Variants in OTOR observed in about 807,000 individuals in gnomAD.
OTOR encodes otoraplin, also known as fibrocyte-derived protein.
In OTOR, 20 loss-of-function variants were observed where a neutral mutation model predicts 15.9. The observed-to-expected ratio is 1.26, with a 90% CI of 0.89 to 1.83. The LOEUF (loss-of-function observed/expected upper bound fraction) is 1.83. Among genes scored for constraint, OTOR ranks in the 40% most tolerant of loss-of-function variants. The pLI is 0.00. For missense variants in OTOR, 184 were observed against 159.0 expected, an observed-to-expected ratio of 1.16 and a Z score of -0.85; for synonymous variants, 53 against 54.2, an observed-to-expected ratio of 0.98 and a Z score of 0.09.
At chr20:16,750,092 A>T in intron 3 of OTOR, 82 bp downstream of exon 3, 1 of 903,460 alleles carries the variant, frequency 1.1e-6, no homozygotes. Context: ...CATGCAACTT[A>T]CAAGTTGTAT....
intron 3 of OTOR, among the ~76,000 whole-genome samples, chr20:16,750,263 TA>T (rs1393347984): frequency 6.6e-6 from 1 of 152,250 alleles, no homozygotes; most frequent in East Asian, 1.9e-4. Context: ...CTTTTTTCTA[TA>T]TTTTTTCAGC....
At chr20:16,748,804 G>A (rs533639581) in intron 1 of OTOR, 63 bp from the exon 2 acceptor site, 155 of 1,245,636 alleles carry the variant, frequency 1.2e-4, no homozygotes, top group South Asian at 1.7e-4. Flanking sequence ...AATATACATT[G>A]CCTTTTACTG....
At chr20:16,749,700 T>C in intron 2 of OTOR, 1 of 545,620 alleles carries the variant, frequency 1.8e-6, no homozygotes, top group Admixed American at 3.3e-5. Flanking sequence ...ACTGGGCCAC[T>C]AAACAGTAGA....
rs370100954 is a variant in OTOR at position 16,751,112 on chromosome 20, C to G, written c.381C>G (p.Cys127Trp). 3.9e-6 allele frequency: 6 copies of G among 1,541,916 alleles called. No homozygotes were observed. Among genetic ancestry groups the G allele is most frequent in the Non-Finnish European group, 5.3e-6 (6 of 1,139,452 alleles). The change falls in exon 4 of 4, where the codon TGC (cysteine) becomes TGG (tryptophan). Residue 127 changes from cysteine to tryptophan, a missense_variant. Transcript: ENST00000246081. ...TTTTCCAGGATATTGACTTCTTCTG[C>G]GAGTAATAAATTAGTTAAAACTGCA... ...EVPTTDIDFF[C>W]E
chr20:16,750,805 G>T (rs548162208), intron 3 of OTOR, among the ~76,000 whole-genome samples: 1 of 152,160 alleles, frequency 6.6e-6, no homozygotes, highest in African/African-American at 2.4e-5. Flanking sequence ...GCTAATTGTT[G>T]TGCTTCAAAC....
chr20:16,748,738 A>G, intron 1 of OTOR, 129 bp from the exon 2 acceptor site: 3 of 781,022 alleles, frequency 3.8e-6, no homozygotes, highest in Admixed American at 6.5e-5. Flanking sequence ...TTTCTCTTGG[A>G]TAGACACCAG....
intron 2 of OTOR, chr20:16,749,649 A>G (rs991687834): frequency 4.4e-6 from 2 of 449,934 alleles, no homozygotes; most frequent in South Asian, 8.8e-5. Flanking sequence ...GCAACTCACA[A>G]GATTGCGTAA....
chr20:16,748,846 T>C (rs1248787273), intron 1 of OTOR, 21 bp from the exon 2 acceptor site: 1 of 1,548,208 alleles, frequency 6.5e-7, no homozygotes, highest in Non-Finnish European at 8.7e-7. Flanking sequence ...AATGTAATCA[T>C]TTAAATTTTT....
rs2072531255 is a variant in OTOR, at chr20:16,751,966, T to C, written c.*848T>C. 1 of 152,214 alleles carries C rather than the reference T, an allele frequency of 6.6e-6. No homozygotes were observed. The highest frequency in any genetic ancestry group is 2.1e-4 in the South Asian group (1 of 4,830). The allele number at this position is 152,214 out of a possible 1,614,324, so 9.4% of individuals were successfully genotyped here. Reference sequence around the variant, plus strand: ...ATTTCAACTTTGAATTTCCTCTTCCTGTGCAAATTCCTCTAGTCAAGTGTG... The same window carrying C: ...ATTTCAACTTTGAATTTCCTCTTCCCGTGCAAATTCCTCTAGTCAAGTGTG... On this transcript the variant is annotated 3_prime_UTR_variant, in exon 4 of 4. Transcript: ENST00000246081.
At position 16,749,916 on chromosome 20, in the gene OTOR, G is replaced by A; in HGVS notation, c.269G>A (p.Gly90Asp). ...CTGGGCACTTAGGTTTATGGTGATG[G>A]CCAGGACGAGATGGGAGTCGTGGGT... is the stretch of plus-strand genomic sequence containing the variant. ...EFWAGSVYGDGQDEMGVVGYF... is the reference protein window; with the variant it reads ...EFWAGSVYGDDQDEMGVVGYF... The change falls in exon 3 of 4, where the codon GGC becomes GAC. Residue 90 changes from glycine (G) to aspartate (D), a missense_variant. By Grantham distance (94) the Gly-to-Asp change is moderately conservative. Coordinates refer to ENST00000246081, the MANE Select transcript of OTOR (RefSeq NM_020157.4). 1.2e-6 allele frequency: 2 copies of A among 1,612,522 alleles called. No individual in the cohort carries two copies. The highest frequency in any genetic ancestry group is 1.3e-5 in the African/African-American group (1 of 74,990).
chr20:16,749,221 G>T, intron 2 of OTOR: 1 of 377,304 alleles, frequency 2.7e-6, no homozygotes, highest in Non-Finnish European at 4.7e-6. Flanking sequence ...TGATATTTTG[G>T]TAAAAAAAGA....
At chr20:16,748,605 A>C (rs1432129475) in intron 1 of OTOR, 89 bp downstream of exon 1, 1 of 857,110 alleles carries the variant, frequency 1.2e-6, no homozygotes, top group African/African-American at 1.7e-5. Context: ...TATACTTTGA[A>C]GTGAATCTTC....
rs1314056823 is a variant in OTOR, at chr20:16,751,557, T to C, written c.*439T>C. The C allele has an allele frequency of 1.9e-5, 3 of 155,604 alleles. No individual in the cohort carries two copies. The highest frequency in any genetic ancestry group is 2.0e-4 in the South Asian group (1 of 4,910). The allele number at this position is 155,604 out of a possible 1,614,324, so 9.6% of individuals were successfully genotyped here. ...TCTACTCATTTGTCTCTCTGGCCAA[T>C]TGAATTATTAATAAAAGGTCTGTAT... On this transcript the variant is annotated 3_prime_UTR_variant, in exon 4 of 4. Transcript: ENST00000246081.
Position 16,751,347 on chromosome 20 carries a change from A to G in OTOR, c.*229A>G. On this transcript the variant is annotated 3_prime_UTR_variant, in exon 4 of 4. Coordinates refer to ENST00000246081, the MANE Select transcript of OTOR (RefSeq NM_020157.4). ...CACGAGCTAGAGCGGGGAAATGTTG[A>G]GCTCAAATGGGTAAATTGAGACCAG... is the stretch of plus-strand genomic sequence containing the variant. 1 of 503,158 alleles carries G rather than the reference A, an allele frequency of 2.0e-6. No homozygotes were observed. The highest frequency in any genetic ancestry group is 3.5e-6 in the Non-Finnish European group (1 of 287,606). The allele number at this position is 503,158 out of a possible 1,614,324, so 31.2% of individuals were successfully genotyped here.
intron 3 of OTOR, 42 bp from the exon 4 acceptor site, chr20:16,751,053 G>C (rs6111269): frequency 4.8e-6 from 7 of 1,461,714 alleles, no homozygotes; most frequent in Non-Finnish European, 6.5e-6. Flanking sequence ...TTTTAGCCTA[G>C]GCTATTTCGT....
Position 16,751,184 on chromosome 20 carries a change from A to G in OTOR, c.*66A>G. 4.5e-6 allele frequency: 5 copies of G among 1,108,806 alleles called. No individual in the cohort carries two copies. The highest frequency in any genetic ancestry group is 4.4e-5 in the South Asian group (3 of 68,748). 68.7% of individuals were successfully genotyped at this position (1,108,806 alleles called of 1,614,324 possible). On this transcript the variant is annotated 3_prime_UTR_variant, in exon 4 of 4. Transcript: ENST00000246081. ...ATAAAGAAAAGAGCAAAAGTGGCCA[A>G]AAAATGCATGTCTGTAATTTTGGAC...
chr20:16,750,998 T>C (rs1456306676), intron 3 of OTOR, 97 bp from the exon 4 acceptor site: 1 of 933,534 alleles, frequency 1.1e-6, no homozygotes. Flanking sequence ...AAATCCAAAT[T>C]TCTCTGATTA....
intron 2 of OTOR, 42 bp downstream of exon 2, chr20:16,749,048 C>G (rs1392066770): frequency 6.9e-6 from 10 of 1,441,948 alleles, no homozygotes; most frequent in Middle Eastern, 3.6e-4. Flanking sequence ...TTGCTCTTAA[C>G]CTTTCCTTGA....
Position 16,749,916 on chromosome 20 carries a change from G to T in OTOR, c.269G>T (p.Gly90Val), listed in dbSNP as rs771250120. The change falls in exon 3 of 4, where the codon GGC becomes GTC. Residue 90 changes from glycine to valine, a missense_variant. Coordinates refer to ENST00000246081, the MANE Select transcript of OTOR (RefSeq NM_020157.4). The part of the protein sequence containing the change: ...EFWAGSVYGD[G>V]QDEMGVVGYF... ...CTGGGCACTTAGGTTTATGGTGATG[G>T]CCAGGACGAGATGGGAGTCGTGGGT... 2.1e-5 allele frequency: 34 copies of T among 1,612,404 alleles called. No individual in the cohort carries two copies. The highest frequency in any genetic ancestry group is 2.7e-5 in the African/African-American group (2 of 74,868).
Sources: gnomAD v4.1 joint callset for allele counts (sites outside exome capture counted in the v4.1 genomes callset) on GRCh38, gnomAD v4.1.1 for gene constraint, MANE v1.5 for transcripts, NCBI Gene and HGNC (gene_info 2026-07-23, HGNC 2026-07-21) for gene names.